The following TRIP12 variants were observed in gnomAD, a reference collection of about 807,000 sequenced individuals.
TRIP12 encodes E3 ubiquitin-protein ligase TRIP12.
A neutral mutation model predicts 244.2 loss-of-function variants in TRIP12; 25 were observed. The ratio of observed to expected loss-of-function variants is 0.10; its 90% confidence interval spans 0.07 to 0.14. The LOEUF is 0.14. Among genes scored for constraint, TRIP12 ranks in the 10% least tolerant of loss-of-function variants. The pLI, the probability that TRIP12 is intolerant of heterozygous loss-of-function variation, is 1.00. For missense variants in TRIP12, 1,677 were observed against 2,486.4 expected (o/e 0.67, Z 6.92); for synonymous variants, 905 against 873.1 (o/e 1.04, Z -0.64).
At chr2:229,865,833 G>A (rs1410051515) in intron 2 of TRIP12, among the ~76,000 whole-genome samples, 1 of 152,068 alleles carries the variant, frequency 6.6e-6, no homozygotes, top group Non-Finnish European at 1.5e-5. Flanking sequence ...AAAACGCACT[G>A]TTTTTCTATT....
intron 6 of TRIP12, among the ~76,000 whole-genome samples, chr2:229,831,435 G>A (rs776168409): frequency 2.6e-5 from 4 of 152,132 alleles, no homozygotes; most frequent in Admixed American, 6.5e-5. Flanking sequence ...AACACTTTGC[G>A]GACCATGGCA....
rs2303560 is a variant in TRIP12 at position 229,836,785 on chromosome 2, C to A, written c.1270+63G>T. ...TAGTAACACCTAGCATACTTCCCTC[C>A]CTCTGCCCATCAAATCTGTAAAAGA... On this transcript the variant is annotated intron_variant, in intron 6 of 41. Coordinates refer to ENST00000675903, the MANE Select transcript of TRIP12 (RefSeq NM_001348323.3). 51,743 of 1,533,056 alleles carry A rather than the reference C, an allele frequency of 0.034. 1,854 individuals carry two copies. The highest frequency in any genetic ancestry group is 0.19 in the East Asian group (7,465 of 38,952). 95.0% of individuals were successfully genotyped at this position (1,533,056 alleles called of 1,614,324 possible). A position where few individuals can be genotyped will look rare whatever the true frequency, so the allele number is the denominator to read the frequency against.
At chr2:229,906,096 G>C (rs1276583101) in intron 1 of TRIP12, among the ~76,000 whole-genome samples, 1 of 151,960 alleles carries the variant, frequency 6.6e-6, no homozygotes, top group Non-Finnish European at 1.5e-5. Flanking sequence ...CCTGAGGTCA[G>C]GAGTTTGAAA....
At position 229,795,176 on chromosome 2, in the gene TRIP12, T is replaced by C. The variant is rs1416687977; in HGVS notation, c.3968+3A>G. ...AAGGGTATAGCCAGGCAATGGTCCT[T>C]ACCTGCCTCCTGTCCCATTTCCACT... is the stretch of plus-strand genomic sequence containing the variant. On this transcript the variant is annotated splice_donor_region_variant and intron_variant, in intron 26 of 41. Coordinates refer to ENST00000675903, the MANE Select transcript of TRIP12 (RefSeq NM_001348323.3). 2 of 1,613,620 alleles carry C rather than the reference T, an allele frequency of 1.2e-6. No homozygotes were observed. Among genetic ancestry groups the C allele is most frequent in the South Asian group, 1.1e-5 (1 of 90,996 alleles).
chr2:229,777,216 CATTAAT>C, intron 37 of TRIP12, 93 bp downstream of exon 37: 1 of 1,318,196 alleles, frequency 7.6e-7, no homozygotes, highest in Non-Finnish European at 1.0e-6. Flanking sequence ...TAAAATAAAA[CATTAAT>C]ATAACAACTG....
chr2:229,862,647 TA>T (rs1208004307), intron 2 of TRIP12, among the ~76,000 whole-genome samples: 1 of 152,154 alleles, frequency 6.6e-6, no homozygotes, highest in Non-Finnish European at 1.5e-5. Flanking sequence ...CCAAAACAAT[TA>T]AAAATTATGA....
chr2:229,820,546 T>A (rs931565699), intron 8 of TRIP12, among the ~76,000 whole-genome samples: 6 of 152,204 alleles, frequency 3.9e-5, no homozygotes, highest in Non-Finnish European at 5.9e-5. Context: ...TTTTAAAATA[T>A]GTTAATTGAA....
At position 229,911,532 on chromosome 2, in the gene TRIP12, G is replaced by T. The variant is rs375971272; in HGVS notation, c.-50+10348C>A. 8.5e-5 allele frequency among the ~76,000 whole-genome samples: 13 copies of T among 152,248 alleles called. 1 individual carries two copies. In the South Asian group the frequency reaches 2.7e-3, roughly 32 times the overall value. ...GTATGTTCTCCTGTTCTATTCCACT[G>T]CAGGGTGACTATAGTTTAATATACA... On this transcript the variant is annotated intron_variant, in intron 1 of 41. Coordinates refer to ENST00000675903, the MANE Select transcript of TRIP12 (RefSeq NM_001348323.3).
At chr2:229,921,846 T>G in intron 1 of TRIP12, 34 bp downstream of exon 1, 2 of 46,640 alleles carry the variant, frequency 4.3e-5, no homozygotes, top group African/African-American at 8.8e-5. Flanking sequence ...CCCCCAAGGC[T>G]TGCCCCCGCC....
chr2:229,886,361 AAG>A lies in TRIP12; in HGVS notation c.-49-6235_-49-6234del, dbSNP rs200171305. 6.5e-3 allele frequency among the ~76,000 whole-genome samples: 992 copies of A among 152,342 alleles called. 12 individuals carry two copies. Among genetic ancestry groups the A allele is most frequent in the Non-Finnish European group, 6.1e-3 (414 of 68,036 alleles). On this transcript the variant is annotated intron_variant, in intron 1 of 41. Coordinates refer to ENST00000675903, the MANE Select transcript of TRIP12 (RefSeq NM_001348323.3). ...TAGGAGAGTAAGGGCCATTGAGTGCAAGAGAAAGGGCTACGTTAGGGTCTGTT... is the reference window on the plus strand; with the variant it reads ...TAGGAGAGTAAGGGCCATTGAGTGCAAGAAAGGGCTACGTTAGGGTCTGTT...
In TRIP12 at chr2:229,767,436, G is replaced by A. The variant is rs555049842; in HGVS notation, c.*118C>T. 23 of 1,274,192 alleles carry A rather than the reference G, an allele frequency of 1.8e-5. No homozygotes were observed. Among genetic ancestry groups the A allele is most frequent in the Admixed American group, 5.3e-5 (2 of 37,582 alleles). The allele number at this position is 1,274,192 out of a possible 1,614,324, so 78.9% of individuals were successfully genotyped here. On this transcript the variant is annotated 3_prime_UTR_variant, in exon 42 of 42. Transcript: ENST00000675903. The stretch of plus-strand genomic sequence containing the variant: ...AATGTCTCTTTATAATCTGCAAGCC[G>A]TTTTTCCTACAACAAGAAGGCGTAA...
intron 6 of TRIP12, among the ~76,000 whole-genome samples, chr2:229,832,909 T>C (rs1176931279): frequency 1.3e-5 from 2 of 152,220 alleles, no homozygotes; most frequent in Admixed American, 1.3e-4. Flanking sequence ...ATTCCATCTA[T>C]GTAGGAAGCA....
intron 4 of TRIP12, among the ~76,000 whole-genome samples, chr2:229,841,767 A>T (rs1309847881): frequency 6.6e-6 from 1 of 152,188 alleles, no homozygotes. Flanking sequence ...AGACTAATTA[A>T]TTATACAATT....
intron 2 of TRIP12, among the ~76,000 whole-genome samples, chr2:229,865,318 C>CAAAAAAAA (rs767610234): frequency 9.0e-5 from 6 of 66,938 alleles, no homozygotes; most frequent in African/African-American, 4.5e-4. Flanking sequence ...CTCTCAACTA[C>CAAAAAAAA]AAAAAAAAAA....
At chr2:229,833,499 G>C (rs1378217100) in intron 6 of TRIP12, among the ~76,000 whole-genome samples, 1 of 152,116 alleles carries the variant, frequency 6.6e-6, no homozygotes, top group Admixed American at 6.5e-5. Flanking sequence ...ATGTTGCCCA[G>C]GCTGATCTCA....
chr2:229,908,911 G>C (rs1277369323), intron 1 of TRIP12, among the ~76,000 whole-genome samples: 8 of 151,446 alleles, frequency 5.3e-5, no homozygotes, highest in African/African-American at 1.9e-4. Flanking sequence ...GGGCAATATA[G>C]CGAGACCCCT....
intron 4 of TRIP12, among the ~76,000 whole-genome samples, chr2:229,848,023 A>T (rs114844298): frequency 0.01 from 1,575 of 152,236 alleles, 13 homozygotes; most frequent in Non-Finnish European, 0.017. Flanking sequence ...GAACTCAGGC[A>T]CTTAGGGCTT....
intron 1 of TRIP12, among the ~76,000 whole-genome samples, chr2:229,904,753 C>G (rs1417153883): frequency 6.6e-6 from 1 of 152,158 alleles, no homozygotes; most frequent in African/African-American, 2.4e-5. Context: ...TCATTCGCTA[C>G]ATGTTACGTG....
At chr2:229,812,563 T>C (rs1262027727) in intron 13 of TRIP12, among the ~76,000 whole-genome samples, 1 of 152,082 alleles carries the variant, frequency 6.6e-6, no homozygotes, top group African/African-American at 2.4e-5. Context: ...CCCAGCACTT[T>C]GGGAGGCTGA....
Sources: gnomAD v4.1 joint callset for allele counts (sites outside exome capture counted in the v4.1 genomes callset) on GRCh38, gnomAD v4.1.1 for gene constraint, MANE v1.5 for transcripts, NCBI Gene and HGNC (gene_info 2026-07-23, HGNC 2026-07-21) for gene names.